MCTP1: variants seen among roughly 807,000 people sequenced by gnomAD.
MCTP1 encodes the protein multiple C2 and transmembrane domain containing 1, also known as multiple C2 and transmembrane domain-containing protein 1.
In MCTP1, 69 loss-of-function variants were observed where a neutral mutation model predicts 120.6. The ratio of observed to expected loss-of-function variants is 0.57; its 90% CI spans 0.47 to 0.70. The LOEUF (loss-of-function observed/expected upper bound fraction) is 0.70, where lower values mean the gene tolerates loss of function less well. MCTP1 is among the 30% of genes least tolerant of loss of function. The pLI is 0.00. For missense variants in MCTP1, 1,203 were observed against 1,248.8 expected (o/e 0.96, Z 0.55); for synonymous variants, 529 against 493.1 (o/e 1.07, Z -0.96).
At chr5:95,204,688 G>A (rs952309423) in intron 1 of MCTP1, among the ~76,000 whole-genome samples, 1 of 151,850 alleles carries the variant, frequency 6.6e-6, no homozygotes, top group Admixed American at 6.6e-5. Context: ...TGCAGGACAA[G>A]ATTAATATAT....
chr5:94,771,629 T>A (rs1300584724), intron 19 of MCTP1, among the ~76,000 whole-genome samples: 2 of 152,214 alleles, frequency 1.3e-5, no homozygotes, highest in Non-Finnish European at 2.9e-5. Flanking sequence ...TCAGTTTTCA[T>A]ATTATATGAA....
At chr5:95,011,575 G>T (rs1345070088) in intron 2 of MCTP1, among the ~76,000 whole-genome samples, 1 of 151,946 alleles carries the variant, frequency 6.6e-6, no homozygotes, top group South Asian at 2.1e-4. Flanking sequence ...ATTCTCACCA[G>T]ATCTGATGGT....
chr5:95,229,579 T>G (rs1196662965), intron 1 of MCTP1, among the ~76,000 whole-genome samples: 7 of 151,954 alleles, frequency 4.6e-5, no homozygotes, highest in Admixed American at 6.6e-5. Context: ...AAACCCCATC[T>G]CTACTAAAAA....
chr5:95,167,963 C>A (rs963122245), intron 1 of MCTP1, among the ~76,000 whole-genome samples: 2 of 152,146 alleles, frequency 1.3e-5, no homozygotes, highest in African/African-American at 4.8e-5. Context: ...GACATGAAGT[C>A]CTTGCCCATG....
rs1760613258 is a variant in MCTP1, at chr5:95,284,653, C to CCGGG, written c.-79_-78insCCCG. The stretch of plus-strand genomic sequence containing the variant: ...TCTCCTCCCTCTTCGGCTGCACCTC[C>CCGGG]TCCCGGGTCCCCGCGGCGCTGGCGG... On this transcript the variant is annotated 5_prime_UTR_variant, in exon 1 of 23. Transcript: ENST00000515393. This position sits in a 1 kb window ranked among gnomAD's most constrained non-coding sequence, Gnocchi z 5.2. The CCGGG allele has an allele frequency of 4.1e-6, 5 of 1,220,208 alleles. No homozygotes were observed. The highest frequency in any genetic ancestry group is 5.3e-6 in the Non-Finnish European group (5 of 935,664). The allele number at this position is 1,220,208 out of a possible 1,614,324, so 75.6% of individuals were successfully genotyped here. A position where few individuals can be genotyped will look rare whatever the true frequency, so the allele number is the denominator to read the frequency against.
chr5:94,717,967 AT>A (rs1352970653), intron 19 of MCTP1, among the ~76,000 whole-genome samples: 1 of 152,168 alleles, frequency 6.6e-6, no homozygotes, highest in Admixed American at 6.5e-5. Context: ...ATTCAATGCT[AT>A]TCCCAAACTA....
intron 2 of MCTP1, among the ~76,000 whole-genome samples, chr5:94,985,473 C>T (rs1262662179): frequency 6.6e-6 from 1 of 152,052 alleles, no homozygotes; most frequent in Admixed American, 6.6e-5. Flanking sequence ...AAGGCCTTGT[C>T]GAAAGAACTG....
intron 1 of MCTP1, among the ~76,000 whole-genome samples, chr5:95,139,991 T>C (rs1759773676): frequency 1.3e-5 from 2 of 152,226 alleles, no homozygotes; most frequent in African/African-American, 4.8e-5. Context: ...CTTGATGGTC[T>C]CCCTGAGCTG....
At chr5:94,741,478 AATT>A (rs1187211925) in intron 19 of MCTP1, among the ~76,000 whole-genome samples, 1 of 152,134 alleles carries the variant, frequency 6.6e-6, no homozygotes, top group Non-Finnish European at 1.5e-5. Flanking sequence ...TTTTTGTGCC[AATT>A]ATTATGGTGT....
chr5:95,022,341 T>C (rs1216151399), intron 1 of MCTP1, among the ~76,000 whole-genome samples: 4 of 152,190 alleles, frequency 2.6e-5, no homozygotes, highest in Non-Finnish European at 4.4e-5. Flanking sequence ...ACTTACACTT[T>C]AAAAACTTGT....
At chr5:95,095,315 G>A (rs1037188958) in intron 1 of MCTP1, among the ~76,000 whole-genome samples, 16 of 152,072 alleles carry the variant, frequency 1.1e-4, no homozygotes, top group Non-Finnish European at 2.9e-5. Context: ...GAGCCACCGC[G>A]CCCGGCCTTA....
chr5:95,272,296 G>A (rs1188190988), intron 1 of MCTP1, among the ~76,000 whole-genome samples: 1 of 152,138 alleles, frequency 6.6e-6, no homozygotes, highest in African/African-American at 2.4e-5. Flanking sequence ...TTGCCTGATT[G>A]TCCTTTCTTT....
intron 1 of MCTP1, among the ~76,000 whole-genome samples, chr5:95,129,052 G>T (rs1463552906): frequency 6.6e-6 from 1 of 152,140 alleles, no homozygotes; most frequent in Non-Finnish European, 1.5e-5. Flanking sequence ...ATATATAATT[G>T]CTCAGGTTTA....
At chr5:94,890,801 A>G (rs986309098) in intron 11 of MCTP1, among the ~76,000 whole-genome samples, 1 of 152,236 alleles carries the variant, frequency 6.6e-6, no homozygotes, top group Non-Finnish European at 1.5e-5. Context: ...AAAATGAACC[A>G]ACAGAATGCT....
chr5:95,151,249 G>A (rs768465128), intron 1 of MCTP1, among the ~76,000 whole-genome samples: 1 of 151,578 alleles, frequency 6.6e-6, no homozygotes, highest in South Asian at 2.1e-4. Context: ...CTTCGAAAGT[G>A]CTAGGATTAT....
chr5:95,231,304 C>A (rs1222935940), intron 1 of MCTP1, among the ~76,000 whole-genome samples: 1 of 151,686 alleles, frequency 6.6e-6, no homozygotes, highest in African/African-American at 2.4e-5. Context: ...CAATTTGAAG[C>A]CAAATCCACT....
At chr5:94,832,609 AACACACAC>A (rs59233492) in intron 17 of MCTP1, among the ~76,000 whole-genome samples, 6,873 of 147,050 alleles carry the variant, frequency 0.047, 227 homozygotes, top group East Asian at 0.18. Flanking sequence ...GGGCTAGCTG[AACACACAC>A]ACACACACAC....
At chr5:94,791,247 G>A (rs557459235) in intron 18 of MCTP1, among the ~76,000 whole-genome samples, 3 of 151,202 alleles carry the variant, frequency 2.0e-5, no homozygotes, top group South Asian at 2.1e-4. Flanking sequence ...GCAGTGAGCC[G>A]AGATCACACC....
At chr5:95,223,027 A>G (rs913080606) in intron 1 of MCTP1, among the ~76,000 whole-genome samples, 2 of 152,210 alleles carry the variant, frequency 1.3e-5, no homozygotes, top group Non-Finnish European at 2.9e-5. Context: ...TTTTCATTCT[A>G]TTCAGTCCTT....
Sources: gnomAD v4.1 joint callset for allele counts (sites outside exome capture counted in the v4.1 genomes callset) on GRCh38, gnomAD v4.1.1 for gene constraint, Gnocchi (gnomAD v3.1) non-coding constraint, MANE v1.5 for transcripts, NCBI Gene and HGNC (gene_info 2026-07-23, HGNC 2026-07-21) for gene names.